The following MAK variants were observed in gnomAD, a reference collection of about 807,000 sequenced individuals.
MAK encodes serine/threonine-protein kinase MAK.
A neutral mutation model predicts 82.6 loss-of-function variants in MAK; 65 were observed. The observed-to-expected ratio is 0.79, with a 90% CI of 0.64 to 0.97. MAK has a LOEUF of 0.97. Ranked by LOEUF, MAK falls within the 50% of genes least tolerant of loss-of-function variation. The pLI is 0.00. For synonymous variants in MAK, 250 were observed against 274.2 expected, an observed-to-expected ratio of 0.91 and a Z score of 0.87; for missense variants, 703 against 780.2, an observed-to-expected ratio of 0.90 and a Z score of 1.18.
At chr6:10,788,323 C>G (rs963033166) in intron 10 of MAK, among the ~76,000 whole-genome samples, 1 of 151,968 alleles carries the variant, frequency 6.6e-6, no homozygotes, top group Admixed American at 6.6e-5. Context: ...GGTTTTGATT[C>G]AAACCTCTAC....
chr6:10,812,204 A>G (rs1172831219), intron 5 of MAK, among the ~76,000 whole-genome samples: 1 of 151,960 alleles, frequency 6.6e-6, no homozygotes, highest in East Asian at 1.9e-4. Flanking sequence ...TGTCTCAAAT[A>G]ATAATAATAA....
chr6:10,835,208 T>C (rs1779076560), intron 1 of MAK, among the ~76,000 whole-genome samples: 2 of 152,358 alleles, frequency 1.3e-5, no homozygotes, highest in Non-Finnish European at 2.9e-5. Context: ...AAATTTTCTT[T>C]TGAAGCTTTG....
intron 1 of MAK, among the ~76,000 whole-genome samples, chr6:10,836,242 T>C: frequency 6.6e-6 from 1 of 152,244 alleles, no homozygotes; most frequent in East Asian, 1.9e-4. Flanking sequence ...TTAGTGGTTC[T>C]GTGAGGATCT....
chr6:10,786,261 T>A (rs146016314), intron 10 of MAK, among the ~76,000 whole-genome samples: 49 of 152,236 alleles, frequency 3.2e-4, no homozygotes, highest in African/African-American at 8.2e-4. Context: ...AATAATAATT[T>A]AAAAAATAAG....
intron 9 of MAK, among the ~76,000 whole-genome samples, chr6:10,792,261 C>T (rs978746565): frequency 6.6e-5 from 10 of 152,130 alleles, no homozygotes; most frequent in African/African-American, 2.2e-4. Flanking sequence ...TTACTCTTCC[C>T]CCTCCTTGAA....
rs1028582591 is a variant in MAK at position 10,791,740 on chromosome 6, G to A, written c.1251C>T (p.Ala417=). The part of the protein sequence containing the change: ...WEELEDYDFG[A]SHSKKPSMGV... ...CCATGCTTGGCTTCTTGGAATGGGA[G>A]GCTCCGAAATCATAGTCCTCCAACT... Residue 417 remains alanine, a synonymous_variant, in exon 10 of 15, where the codon GCC becomes GCT. Transcript: ENST00000354489. 1 of 1,613,904 alleles carries A rather than the reference G, an allele frequency of 6.2e-7. No homozygotes were observed. The highest frequency in any genetic ancestry group is 1.3e-5 in the African/African-American group (1 of 74,868).
At chr6:10,809,487 A>G (rs28640254) in intron 5 of MAK, among the ~76,000 whole-genome samples, 1 of 151,954 alleles carries the variant, frequency 6.6e-6, no homozygotes. Flanking sequence ...CACCACTCCC[A>G]CCTAATTTTT....
intron 2 of MAK, among the ~76,000 whole-genome samples, chr6:10,822,364 G>C (rs756249423): frequency 1.3e-5 from 2 of 151,328 alleles, no homozygotes; most frequent in Non-Finnish European, 2.9e-5. Flanking sequence ...GGAGGCAGGA[G>C]AATCGCTTGA....
chr6:10,768,229 T>C (rs896625835), intron 14 of MAK, among the ~76,000 whole-genome samples: 2 of 152,198 alleles, frequency 1.3e-5, no homozygotes, highest in Non-Finnish European at 2.9e-5. Flanking sequence ...TAAGAGTAGA[T>C]ACCTAGGTAA....
intron 2 of MAK, among the ~76,000 whole-genome samples, chr6:10,830,319 C>T (rs1241755377): frequency 1.3e-5 from 2 of 151,700 alleles, no homozygotes; most frequent in African/African-American, 2.4e-5. Flanking sequence ...GCGCGTGCCA[C>T]CATGCCTGGC....
chr6:10,784,312 T>C, intron 11 of MAK, 112 bp downstream of exon 11: 1 of 1,085,692 alleles, frequency 9.2e-7, no homozygotes, highest in East Asian at 2.4e-5. Context: ...CAAAGAGCTC[T>C]GTGATTAGAT....
At chr6:10,830,023 G>C (rs1168056711) in intron 2 of MAK, among the ~76,000 whole-genome samples, 1 of 151,220 alleles carries the variant, frequency 6.6e-6, no homozygotes, top group African/African-American at 2.4e-5. Context: ...TTTTAGTAGA[G>C]ACAGGGTTTC....
At chr6:10,827,066 G>A (rs1241080710) in intron 2 of MAK, among the ~76,000 whole-genome samples, 6 of 152,244 alleles carry the variant, frequency 3.9e-5, no homozygotes, top group Admixed American at 2.6e-4. Context: ...AGCTGAGATC[G>A]CGCCACTGCA....
At chr6:10,836,903 TTATAA>T (rs1779181517) in intron 1 of MAK, among the ~76,000 whole-genome samples, 1 of 152,238 alleles carries the variant, frequency 6.6e-6, no homozygotes, top group African/African-American at 2.4e-5. Flanking sequence ...ATAAATACCC[TTATAA>T]TTTATCTCTC....
rs1262104081 is a variant in MAK, at chr6:10,793,236, T to C, written c.1144-1389A>G. Among the ~76,000 whole-genome samples, 1 of 152,168 alleles carries C rather than the reference T, an allele frequency of 6.6e-6. No homozygotes were observed. Among genetic ancestry groups the C allele is most frequent in the African/African-American group, 2.4e-5 (1 of 41,450 alleles). ...CAAACAATGAATTCATTCAGTGTAG[T>C]GTATGTGGACTTCAGCCCAGTGGGT... is the stretch of plus-strand genomic sequence containing the variant. On this transcript the variant is annotated intron_variant, in intron 9 of 14. Coordinates refer to ENST00000354489, the MANE Select transcript of MAK (RefSeq NM_001242957.3). This position sits in a 1 kb window ranked among gnomAD's most constrained non-coding sequence, Gnocchi z 4.6.
chr6:10,782,711 G>A (rs1217457925), intron 11 of MAK, among the ~76,000 whole-genome samples: 1 of 151,618 alleles, frequency 6.6e-6, no homozygotes, highest in Non-Finnish European at 1.5e-5. Context: ...CCGAGTAGCT[G>A]GGATTACAGA....
chr6:10,825,112 G>A lies in MAK; in HGVS notation c.101+5436C>T, dbSNP rs557674432. Among the ~76,000 whole-genome samples, 6 of 152,286 alleles carry A rather than the reference G, an allele frequency of 3.9e-5. No homozygotes were observed. The South Asian group carries it at 8.3e-4, about 21-fold the overall frequency. ...GATAAAAGATGAGAAGAGTTTGCTC[G>A]TATTATTCTGCCCTCTTCCCTCCTT... On this transcript the variant is annotated intron_variant, in intron 2 of 14. Transcript: ENST00000354489.
intron 1 of MAK, among the ~76,000 whole-genome samples, chr6:10,837,500 G>C (rs956508194): frequency 1.3e-5 from 2 of 152,232 alleles, no homozygotes; most frequent in African/African-American, 2.4e-5. Context: ...GGAATTGAAG[G>C]GCCGGGGAGG....
chr6:10,788,207 G>C (rs1047457629), intron 10 of MAK, among the ~76,000 whole-genome samples: 13 of 151,692 alleles, frequency 8.6e-5, no homozygotes, highest in Non-Finnish European at 1.6e-4. Context: ...GCCCAGGCTG[G>C]TCTCAAACTC....
Sources: gnomAD v4.1 joint callset for allele counts (sites outside exome capture counted in the v4.1 genomes callset) on GRCh38, gnomAD v4.1.1 for gene constraint, Gnocchi (gnomAD v3.1) non-coding constraint, MANE v1.5 for transcripts, NCBI Gene and HGNC (gene_info 2026-07-23, HGNC 2026-07-21) for gene names.